Variants in JMY observed in about 807,000 individuals in gnomAD.
The protein encoded by JMY is junction-mediating and -regulatory protein.
In JMY, 46 loss-of-function variants were observed where a neutral mutation model predicts 103.3. The ratio of observed to expected loss-of-function variants is 0.45; its 90% CI spans 0.35 to 0.57. JMY has a LOEUF of 0.57. Among genes scored for constraint, JMY ranks in the 20% least tolerant of loss-of-function variants. The probability of loss-of-function intolerance (pLI) is 0.00; values close to 1 mark genes in which losing one functional copy is unlikely to be tolerated. For missense variants in JMY, 1,238 were observed against 1,255.2 expected (o/e 0.99, Z 0.21); for synonymous variants, 526 against 489.3 (o/e 1.07, Z -0.99).
At chr5:79,315,957 G>A (rs1356802663) in intron 9 of JMY, 43 bp from the exon 10 acceptor site, 15 of 1,532,612 alleles carry the variant, frequency 9.8e-6, no homozygotes, top group African/African-American at 5.5e-5. Context: ...TTCTAATTAA[G>A]TGCAGTCCTA....
rs191960908 is a variant in JMY, at chr5:79,251,435, A to G, written c.1032+13753A>G. Among the ~76,000 whole-genome samples, 292 of 152,108 alleles carry G rather than the reference A, an allele frequency of 1.9e-3. 1 individual carries two copies. Among genetic ancestry groups the G allele is most frequent in the African/African-American group, 6.5e-3 (271 of 41,472 alleles). On this transcript the variant is annotated intron_variant, in intron 1 of 10. Coordinates refer to ENST00000396137, the MANE Select transcript of JMY (RefSeq NM_152405.5). ...ATTTTGGGGGGTACATAGTAGGTGT[A>G]TATATTTATGGAATACATAAGATGT...
At chr5:79,297,037 A>C (rs1280957538) in intron 4 of JMY, among the ~76,000 whole-genome samples, 1 of 152,196 alleles carries the variant, frequency 6.6e-6, no homozygotes, top group Non-Finnish European at 1.5e-5. Flanking sequence ...AACAATAACA[A>C]TAACACTTTG....
chr5:79,314,003 T>A (rs1490697205), intron 8 of JMY, among the ~76,000 whole-genome samples: 1 of 152,050 alleles, frequency 6.6e-6, no homozygotes, highest in East Asian at 1.9e-4. Context: ...GGACTACAGG[T>A]GCCTGCCACC....
rs1461522973 is a variant in JMY at position 79,322,051 on chromosome 5, T to TA, written c.*452dup. The TA allele has an allele frequency of 7.9e-5, 12 of 152,202 alleles. No individual in the cohort carries two copies. The allele number at this position is 152,202 out of a possible 1,614,324, so 9.4% of individuals were successfully genotyped here. On this transcript the variant is annotated 3_prime_UTR_variant, in exon 11 of 11. Coordinates refer to ENST00000396137, the MANE Select transcript of JMY (RefSeq NM_152405.5). ...TAGCTTCTTCCATATCAGCTTATAT[T>TA]AAATACTGTGACACTCTGAGAAAGT...
Position 79,237,247 on chromosome 5 carries a change from G to A in JMY, c.597G>A (p.Val199=). The part of the protein sequence containing the change: ...VSEEIEVLEM[V]KEDEAPLALS... ...AGGAGATAGAGGTGCTGGAAATGGT[G>A]AAGGAGGACGAGGCACCTCTGGCGC... The change falls in exon 1 of 11, where the codon GTG becomes GTA. Residue 199 remains valine, a synonymous_variant. Transcript: ENST00000396137. 2 of 1,550,924 alleles carry A rather than the reference G, an allele frequency of 1.3e-6. No individual in the cohort carries two copies. Among genetic ancestry groups the A allele is most frequent in the South Asian group, 1.2e-5 (1 of 84,172 alleles).
intron 1 of JMY, among the ~76,000 whole-genome samples, chr5:79,265,664 T>C (rs1160669771): frequency 6.6e-6 from 1 of 152,188 alleles, no homozygotes; most frequent in Non-Finnish European, 1.5e-5. Flanking sequence ...TATTAGAATG[T>C]GCTGCATTTA....
rs777767481 is a variant in JMY at position 79,325,165 on chromosome 5, G to GTGTT, written c.*3567_*3570dup. 2 of 152,414 alleles carry GTGTT rather than the reference G, an allele frequency of 1.3e-5. No homozygotes were observed. The highest frequency in any genetic ancestry group is 2.4e-5 in the African/African-American group (1 of 41,444). 9.4% of individuals were successfully genotyped at this position (152,414 alleles called of 1,614,324 possible). On this transcript the variant is annotated 3_prime_UTR_variant, in exon 11 of 11. Coordinates refer to ENST00000396137, the MANE Select transcript of JMY (RefSeq NM_152405.5). ...CCATTTTTAAGTTACAGTCACATGA[G>GTGTT]TGTTTGTATAAATTTAAGTCAATGC...
chr5:79,281,960 C>T (rs898002836), intron 2 of JMY, among the ~76,000 whole-genome samples: 5 of 152,076 alleles, frequency 3.3e-5, no homozygotes, highest in South Asian at 2.1e-4. Flanking sequence ...AATCCCAGCA[C>T]TTTGGGAGGC....
rs777357863 is a variant in JMY, at chr5:79,324,203, T to C, written c.*2601T>C. The C allele has an allele frequency of 6.6e-6, 1 of 152,226 alleles. No individual in the cohort carries two copies. The highest frequency in any genetic ancestry group is 1.5e-5 in the Non-Finnish European group (1 of 68,042). 9.4% of individuals were successfully genotyped at this position (152,226 alleles called of 1,614,324 possible). Reference sequence around the variant, plus strand: ...TAGCTTCAGAACCCAACAAAAATTATGTAAGCCTGGTTAAATGTCCTTTTT... The same window carrying C: ...TAGCTTCAGAACCCAACAAAAATTACGTAAGCCTGGTTAAATGTCCTTTTT... On this transcript the variant is annotated 3_prime_UTR_variant, in exon 11 of 11. Coordinates refer to ENST00000396137, the MANE Select transcript of JMY (RefSeq NM_152405.5).
Position 79,236,517 on chromosome 5 carries a change from G to T in JMY, c.-134G>T. On this transcript the variant is annotated 5_prime_UTR_variant, in exon 1 of 11. Coordinates refer to ENST00000396137, the MANE Select transcript of JMY (RefSeq NM_152405.5). ...CGCGGAGGGACAGGCGAACGAGCCG[G>T]GAGAGCCGGCCGGCGCACTAAGATG... 1.6e-6 allele frequency: 1 copy of T among 611,758 alleles called. No homozygotes were observed. The highest frequency in any genetic ancestry group is 2.5e-6 in the Non-Finnish European group (1 of 406,442). The allele number at this position is 611,758 out of a possible 1,614,324, so 37.9% of individuals were successfully genotyped here. A position where few individuals can be genotyped will look rare whatever the true frequency, so the allele number is the denominator to read the frequency against.
intron 7 of JMY, among the ~76,000 whole-genome samples, chr5:79,308,230 A>G (rs1293874125): frequency 4.6e-5 from 7 of 152,154 alleles, no homozygotes; most frequent in Non-Finnish European, 4.4e-5. Context: ...ACAAAGTCCA[A>G]TTTACCAGCA....
At chr5:79,263,985 C>G (rs1745504127) in intron 1 of JMY, among the ~76,000 whole-genome samples, 1 of 151,826 alleles carries the variant, frequency 6.6e-6, no homozygotes, top group Non-Finnish European at 1.5e-5. Flanking sequence ...CGGGGTTTCA[C>G]CATGTTGGCC....
intron 1 of JMY, among the ~76,000 whole-genome samples, chr5:79,276,634 G>T (rs1284723397): frequency 6.6e-6 from 1 of 151,698 alleles, no homozygotes; most frequent in African/African-American, 2.4e-5. Context: ...TTTGAGACGA[G>T]TCTCACTCTG....
rs1746411492 is a variant in JMY, at chr5:79,291,230, G to A, written c.1458G>A (p.Lys486=). 2.5e-6 allele frequency: 4 copies of A among 1,613,194 alleles called. No individual in the cohort carries two copies. The highest frequency in any genetic ancestry group is 3.4e-6 in the Non-Finnish European group (4 of 1,179,608). The change falls in exon 4 of 11, where the codon AAG becomes AAA. Residue 486 remains lysine, a synonymous_variant. Transcript: ENST00000396137. ...AAAAACTCCAGTATGCAGTTTCTAAGGAAACTTTGCAGATGATGAGAGCTA... is the reference window on the plus strand; with the variant it reads ...AAAAACTCCAGTATGCAGTTTCTAAAGAAACTTTGCAGATGATGAGAGCTA... ...RMEKLQYAVS[K]ETLQMMRAKE... is the part of the protein sequence containing the mutation.
intron 1 of JMY, among the ~76,000 whole-genome samples, chr5:79,248,556 G>GC (rs1744977466): frequency 6.6e-6 from 1 of 150,802 alleles, no homozygotes; most frequent in Admixed American, 6.6e-5. Context: ...TGATCCACCC[G>GC]CCTCAGCCTC....
rs1055172051 is a variant in JMY at position 79,238,648 on chromosome 5, C to CTT, written c.1032+983_1032+984dup. On this transcript the variant is annotated intron_variant, in intron 1 of 10. Transcript: ENST00000396137. ...AATGCACCCCCGCCCTCCGCGCCTT[C>CTT]TTTTTTTTTTTTTTTTTTGGAAGCA... 1.2e-3 allele frequency among the ~76,000 whole-genome samples: 140 copies of CTT among 120,666 alleles called. 2 individuals carry two copies. Among genetic ancestry groups the CTT allele is most frequent in the African/African-American group, 3.9e-3 (133 of 34,192 alleles). 79.2% of individuals were successfully genotyped at this position (120,666 alleles called of 152,430 possible). A position where few individuals can be genotyped will look rare whatever the true frequency, so the allele number is the denominator to read the frequency against.
rs144589704 is a variant in JMY at position 79,249,496 on chromosome 5, C to G, written c.1032+11814C>G. On this transcript the variant is annotated intron_variant, in intron 1 of 10. Coordinates refer to ENST00000396137, the MANE Select transcript of JMY (RefSeq NM_152405.5). ...GCTCCCTGTATAGCCTTGGAGTTGG[C>G]TCTTGAGCAGGTTTTACTCTGCATT... Among the ~76,000 whole-genome samples, 10 of 152,298 alleles carry G rather than the reference C, an allele frequency of 6.6e-5. No homozygotes were observed. In the East Asian group the frequency reaches 1.9e-3, roughly 29 times the overall value.
chr5:79,267,950 A>T (rs1745632236), intron 1 of JMY, among the ~76,000 whole-genome samples: 1 of 152,220 alleles, frequency 6.6e-6, no homozygotes, highest in Admixed American at 6.5e-5. Flanking sequence ...GTTTTGTAAG[A>T]AACTGTCAGA....
At chr5:79,248,247 C>A (rs889344854) in intron 1 of JMY, among the ~76,000 whole-genome samples, 6 of 152,008 alleles carry the variant, frequency 3.9e-5, no homozygotes, top group African/African-American at 1.2e-4. Context: ...CCAGGCTGGT[C>A]TCGAACTCCT....
Sources: gnomAD v4.1 joint callset for allele counts (sites outside exome capture counted in the v4.1 genomes callset) on GRCh38, gnomAD v4.1.1 for gene constraint, MANE v1.5 for transcripts, NCBI Gene and HGNC (gene_info 2026-07-23, HGNC 2026-07-21) for gene names.